TP63: variants seen among roughly 807,000 people sequenced by gnomAD.
TP63 encodes the protein tumor protein p63.
TP63 carries 17 observed loss-of-function variants against 82.8 expected under a neutral mutation model. That is an observed-to-expected ratio of 0.21 (90% CI 0.14 to 0.31). TP63 has a LOEUF of 0.31. Among genes scored for constraint, TP63 ranks in the 10% least tolerant of loss-of-function variants. The pLI is 1.00. For synonymous variants in TP63, 330 were observed against 321.7 expected, an observed-to-expected ratio of 1.03 and a Z score of -0.28; for missense variants, 648 against 895.3, an observed-to-expected ratio of 0.72 and a Z score of 3.52.
At chr3:189,893,043 G>T (rs903545698) in intron 13 of TP63, among the ~76,000 whole-genome samples, 5 of 152,120 alleles carry the variant, frequency 3.3e-5, no homozygotes, top group African/African-American at 7.2e-5. Context: ...TTATCTTAGA[G>T]CCAGTCTAAG....
chr3:189,887,185 G>C (rs952221807), intron 11 of TP63, among the ~76,000 whole-genome samples: 2 of 150,470 alleles, frequency 1.3e-5, no homozygotes, highest in African/African-American at 4.9e-5. Flanking sequence ...CTCCAGCCTG[G>C]GTGACAGAGT....
intron 3 of TP63, among the ~76,000 whole-genome samples, chr3:189,766,342 G>A (rs1368162256): frequency 2.6e-5 from 4 of 152,126 alleles, no homozygotes; most frequent in African/African-American, 9.7e-5. Flanking sequence ...TCCTTGGATC[G>A]GGGGTGAGCA....
rs374905014 is a variant in TP63 at position 189,777,757 on chromosome 3, T to A, written c.325-30515T>A. 7.8e-4 allele frequency among the ~76,000 whole-genome samples: 108 copies of A among 138,898 alleles called. No homozygotes were observed. The South Asian group carries it at 0.015, about 20-fold the overall frequency. The allele number at this position is 138,898 out of a possible 152,430, so 91.1% of individuals were successfully genotyped here. On this transcript the variant is annotated intron_variant, in intron 3 of 13. Coordinates refer to ENST00000264731, the MANE Select transcript of TP63 (RefSeq NM_003722.5). ...ATTTCACCCGACTTTGTAAACATAT[T>A]TTTTTTTTTTCTTTTAAGTGTATGT...
intron 4 of TP63, among the ~76,000 whole-genome samples, chr3:189,834,061 A>C (rs1712759473): frequency 1.3e-5 from 2 of 152,290 alleles, no homozygotes; most frequent in South Asian, 4.1e-4. Context: ...ACCGATTTTG[A>C]AGGTTGAGAG....
chr3:189,823,222 T>C (rs1728977438), intron 4 of TP63, among the ~76,000 whole-genome samples: 1 of 152,182 alleles, frequency 6.6e-6, no homozygotes, highest in Non-Finnish European at 1.5e-5. Context: ...TCTTCTTTTC[T>C]CTCTGAAGCT....
chr3:189,697,050 A>G (rs79952512), intron 1 of TP63, among the ~76,000 whole-genome samples: 8,049 of 152,082 alleles, frequency 0.053, 255 homozygotes, highest in African/African-American at 0.071. Context: ...AGTCTAAGTT[A>G]CCAATTATTT....
chr3:189,773,349 A>G (rs62279933), intron 3 of TP63, among the ~76,000 whole-genome samples: 1 of 152,206 alleles, frequency 6.6e-6, no homozygotes, highest in Non-Finnish European at 1.5e-5. Flanking sequence ...GTCCTTAGAC[A>G]GTAAATCTTT....
intron 4 of TP63, among the ~76,000 whole-genome samples, chr3:189,855,782 G>A (rs1175170761): frequency 6.6e-6 from 1 of 151,992 alleles, no homozygotes; most frequent in East Asian, 1.9e-4. Context: ...TGTATCTCTT[G>A]AGTAAGCAAG....
intron 4 of TP63, among the ~76,000 whole-genome samples, chr3:189,847,079 C>T (rs912648294): frequency 3.3e-5 from 5 of 152,240 alleles, no homozygotes; most frequent in South Asian, 4.1e-4. Flanking sequence ...CAAATGAGGC[C>T]GGACACAGTG....
chr3:189,777,589 C>T (rs1430601354), intron 3 of TP63, among the ~76,000 whole-genome samples: 5 of 150,154 alleles, frequency 3.3e-5, no homozygotes, highest in Non-Finnish European at 7.4e-5. Context: ...TTTCCTCTTC[C>T]TCTTCTATTT....
At chr3:189,602,480 G>A in the TP63 span, among the ~76,000 whole-genome samples, 1 of 152,156 alleles carries the variant, frequency 6.6e-6, no homozygotes, top group Non-Finnish European at 1.5e-5. Context: ...GAGCAAGCCT[G>A]CTATGAAATC....
chr3:189,863,781 G>C (rs9820283), intron 4 of TP63, among the ~76,000 whole-genome samples: 34,818 of 152,048 alleles, frequency 0.23, 6,910 homozygotes, highest in African/African-American at 0.55. Flanking sequence ...TCCTGTGAGT[G>C]TCTCTAAAGT....
chr3:189,808,228 G>A lies in TP63; in HGVS notation c.325-44G>A, dbSNP rs201077903. 287 of 1,614,154 alleles carry A rather than the reference G, an allele frequency of 1.8e-4. 1 individual carries two copies. The highest frequency in any genetic ancestry group is 2.5e-4 in the South Asian group (23 of 91,076). On this transcript the variant is annotated intron_variant, in intron 3 of 13. Transcript: ENST00000264731. ...ATGCCTTTTTTTGGAGCAATGATCC[G>A]TGGCTTCAGCGGCTAATATTGGGGT...
intron 1 of TP63, among the ~76,000 whole-genome samples, chr3:189,701,260 A>G (rs1033346147): frequency 6.6e-6 from 1 of 152,012 alleles, no homozygotes; most frequent in East Asian, 1.9e-4. Flanking sequence ...AATTATCTCT[A>G]ATGAAAGGGA....
chr3:189,645,107 G>A (rs972838225), intron 1 of TP63, among the ~76,000 whole-genome samples: 3 of 152,056 alleles, frequency 2.0e-5, no homozygotes, highest in African/African-American at 7.2e-5. Flanking sequence ...TTCATATTTA[G>A]GGATTAGTTT....
chr3:189,791,609 A>G (rs966690216), intron 3 of TP63, among the ~76,000 whole-genome samples: 1 of 152,124 alleles, frequency 6.6e-6, no homozygotes, highest in Non-Finnish European at 1.5e-5. Flanking sequence ...TCGACAAAAA[A>G]TATCTGTAAA....
chr3:189,894,123 C>A, intron 13 of TP63, 83 bp from the exon 14 acceptor site: 1 of 1,534,682 alleles, frequency 6.5e-7, no homozygotes, highest in Non-Finnish European at 9.0e-7. Flanking sequence ...ACCAGAGCAT[C>A]AGGGAATGAT....
the TP63 span, among the ~76,000 whole-genome samples, chr3:189,601,110 G>T: frequency 6.6e-6 from 1 of 152,162 alleles, no homozygotes; most frequent in Non-Finnish European, 1.5e-5. Context: ...TCCCATAGTT[G>T]ATGTTTTAAA....
chr3:189,773,468 T>C lies in TP63; in HGVS notation c.324+34694T>C, dbSNP rs74328714. Among the ~76,000 whole-genome samples the C allele has an allele frequency of 8.3e-3, 1,263 of 152,326 alleles. 18 individuals are homozygous for C. Among genetic ancestry groups the C allele is most frequent in the African/African-American group, 0.029 (1,206 of 41,570 alleles). On this transcript the variant is annotated intron_variant, in intron 3 of 13. Coordinates refer to ENST00000264731, the MANE Select transcript of TP63 (RefSeq NM_003722.5). ...ATCTCTCTGAGTATGCTTCCATTAA[T>C]TTTGTACACATCTTGTTAATTCACA... is the stretch of plus-strand genomic sequence containing the variant.
Sources: allele counts gnomAD v4.1 joint callset (sites outside exome capture counted in the v4.1 genomes callset), GRCh38; gene constraint gnomAD v4.1.1; transcripts MANE v1.5; gene names NCBI Gene and HGNC (gene_info 2026-07-23, HGNC 2026-07-21).